PLB1: variants seen among roughly 807,000 people sequenced by gnomAD.
PLB1 encodes phospholipase B1.
Under a neutral mutation model 227.4 loss-of-function variants are expected in PLB1, and 242 were observed. The observed-to-expected ratio is 1.06, with a 90% confidence interval of 0.96 to 1.18. The LOEUF (loss-of-function observed/expected upper bound fraction) is 1.18. PLB1 is among the 50% of genes most tolerant of loss of function. The pLI is 0.00. For missense variants in PLB1, 1,858 were observed against 1,816.3 expected, an observed-to-expected ratio of 1.02 and a Z score of -0.42; for synonymous variants, 757 against 682.2, an observed-to-expected ratio of 1.11 and a Z score of -1.71.
chr2:28,522,072 C>A (rs1669599122), intron 4 of PLB1, among the ~76,000 whole-genome samples: 1 of 151,942 alleles, frequency 6.6e-6, no homozygotes, highest in Admixed American at 6.6e-5. Context: ...CTCCTCATCT[C>A]AAATAACCAG....
intron 43 of PLB1, among the ~76,000 whole-genome samples, chr2:28,610,428 T>C (rs574665656): frequency 2.6e-5 from 4 of 152,214 alleles, no homozygotes; most frequent in African/African-American, 9.6e-5. Context: ...TGGGATTACA[T>C]GTGTGAACCA....
chr2:28,509,293 C>T (rs1387334288), intron 1 of PLB1, among the ~76,000 whole-genome samples: 1 of 152,194 alleles, frequency 6.6e-6, no homozygotes, highest in African/African-American at 2.4e-5. Flanking sequence ...TGGACTAACA[C>T]ACATTGGGTT....
intron 43 of PLB1, among the ~76,000 whole-genome samples, chr2:28,612,960 C>T (rs1685689337): frequency 6.6e-6 from 1 of 151,612 alleles, no homozygotes; most frequent in Non-Finnish European, 1.5e-5. Flanking sequence ...CACTCTGTTG[C>T]CCAGGCTGGA....
intron 49 of PLB1, among the ~76,000 whole-genome samples, chr2:28,623,644 A>G (rs933590849): frequency 6.6e-6 from 1 of 152,150 alleles, no homozygotes; most frequent in Non-Finnish European, 1.5e-5. Flanking sequence ...TGGCCACCCA[A>G]AGATTTTCAG....
chr2:28,525,829 C>T, intron 5 of PLB1, 76 bp from the exon 6 acceptor site: 8 of 1,561,332 alleles, frequency 5.1e-6, no homozygotes, highest in Non-Finnish European at 7.0e-6. Flanking sequence ...ATGAAATAGA[C>T]CACAGCCAAG....
intron 25 of PLB1, 24 bp downstream of exon 25, chr2:28,582,529 T>C (rs199904280): frequency 6.4e-7 from 1 of 1,552,702 alleles, no homozygotes; most frequent in Admixed American, 1.8e-5. Context: ...TTCTCCCCGA[T>C]TCTACTAAGA....
intron 1 of PLB1, among the ~76,000 whole-genome samples, chr2:28,514,659 T>A (rs764985420): frequency 3.3e-5 from 5 of 152,166 alleles, no homozygotes; most frequent in African/African-American, 9.7e-5. Context: ...GAGTAAAATC[T>A]AAAATATTGA....
At chr2:28,580,340 G>GGA (rs1318182991) in intron 23 of PLB1, among the ~76,000 whole-genome samples, 1 of 152,206 alleles carries the variant, frequency 6.6e-6, no homozygotes, top group Admixed American at 6.5e-5. Flanking sequence ...CACTGCCAGC[G>GGA]GAGAGAGAGA....
chr2:28,598,047 T>G lies in PLB1; in HGVS notation c.2364T>G (p.Pro788=), dbSNP rs1463625569. ...DGSLENVTTL[P]NILREFNRNL... Reference sequence around the variant, plus strand: ...CCCTGGAGAATGTGACCACCTTACCTAGTAAGTAACCATCAGGGGCTTGAA... The same window carrying G: ...CCCTGGAGAATGTGACCACCTTACCGAGTAAGTAACCATCAGGGGCTTGAA... Residue 788 remains proline, a splice_region_variant and synonymous_variant, in exon 34 of 58, where the codon CCT becomes CCG. Transcript: ENST00000327757. The G allele has an allele frequency of 2.5e-6, 4 of 1,612,216 alleles. No individual in the cohort carries two copies. Among genetic ancestry groups the G allele is most frequent in the Non-Finnish European group, 3.4e-6 (4 of 1,178,720 alleles).
At chr2:28,561,990 T>C (rs1282940816) in intron 17 of PLB1, among the ~76,000 whole-genome samples, 1 of 152,192 alleles carries the variant, frequency 6.6e-6, no homozygotes, top group East Asian at 1.9e-4. Flanking sequence ...AAGTCACATA[T>C]TATATGATTC....
chr2:28,590,141 A>G, intron 29 of PLB1, 65 bp downstream of exon 29: 1 of 1,390,526 alleles, frequency 7.2e-7, no homozygotes, highest in African/African-American at 1.4e-5. Context: ...ATTTCATCCT[A>G]GGCCCTCACC....
chr2:28,570,535 C>T (rs1251605230), intron 20 of PLB1, among the ~76,000 whole-genome samples: 1 of 152,172 alleles, frequency 6.6e-6, no homozygotes, highest in African/African-American at 2.4e-5. Context: ...CCTGTACTAC[C>T]AGCACTTTGG....
Position 28,612,433 on chromosome 2 carries a change from T to C in PLB1, c.3130-1598T>C, listed in dbSNP as rs566445598. Among the ~76,000 whole-genome samples the C allele has an allele frequency of 8.5e-5, 13 of 152,294 alleles. No individual in the cohort carries two copies. The South Asian group carries it at 2.7e-3, about 32-fold the overall frequency. ...TGGCCCCAGTTTGGCATTCATCACT[T>C]GTTCCCTAACCTGGAACCCGTCCCT... On this transcript the variant is annotated intron_variant, in intron 43 of 57. Transcript: ENST00000327757.
Position 28,548,869 on chromosome 2 carries a change from G to A in PLB1, c.946G>A (p.Ala316Thr). 1 of 1,614,120 alleles carries A rather than the reference G, an allele frequency of 6.2e-7. No individual in the cohort carries two copies. Among genetic ancestry groups the A allele is most frequent in the Non-Finnish European group, 8.5e-7 (1 of 1,179,980 alleles). ...CCACGTTCCTTTCTAGATGGAGCCA[G>A]CAGGAGAGAAAGATGAGCCATTGAG... ...WHLWNRMMEP[A>T]GEKDEPLSVK... The change falls in exon 15 of 58, where the codon GCA (alanine) becomes ACA (threonine). Residue 316 changes from alanine (A) to threonine (T), a missense_variant. Transcript: ENST00000327757.
chr2:28,577,800 G>A (rs557602930), intron 21 of PLB1, among the ~76,000 whole-genome samples: 29 of 152,274 alleles, frequency 1.9e-4, no homozygotes, highest in South Asian at 6.2e-4. Context: ...AGATCGTGCC[G>A]CTGCACTTCA....
chr2:28,620,515 C>CGGTT lies in PLB1; in HGVS notation c.3384-84_3384-81dup, dbSNP rs1213298915. 3.3e-6 allele frequency: 5 copies of CGGTT among 1,495,876 alleles called. No individual in the cohort carries two copies. The African/African-American group carries it at 6.9e-5, about 21-fold the overall frequency. The allele number at this position is 1,495,876 out of a possible 1,614,324, so 92.7% of individuals were successfully genotyped here. Reference sequence around the variant, plus strand: ...AGAGACGCCCCAGGGGCCCAGAACCCGGTTCCGGTTCTGGCTTGTGCATAT... The same window carrying CGGTT: ...AGAGACGCCCCAGGGGCCCAGAACCCGGTTGGTTCCGGTTCTGGCTTGTGCATAT... On this transcript the variant is annotated intron_variant, in intron 47 of 57. Coordinates refer to ENST00000327757, the MANE Select transcript of PLB1 (RefSeq NM_153021.5).
At position 28,632,023 on chromosome 2, in the gene PLB1, T is replaced by G; in HGVS notation, c.3898-13T>G. On this transcript the variant is annotated splice_polypyrimidine_tract_variant and intron_variant, in intron 54 of 57. Transcript: ENST00000327757. ...TGCCAGGAGGGTTGAGCAGCTTCTC[T>G]CTCTGTCCCCAGCATGGCATCTCCA... is the stretch of plus-strand genomic sequence containing the variant. 6.2e-7 allele frequency: 1 copy of G among 1,608,438 alleles called. No homozygotes were observed. The highest frequency in any genetic ancestry group is 8.5e-7 in the Non-Finnish European group (1 of 1,175,012).
At chr2:28,518,373 T>C in intron 2 of PLB1, 93 bp from the exon 3 acceptor site, 1 of 944,356 alleles carries the variant, frequency 1.1e-6, no homozygotes, top group Non-Finnish European at 1.7e-6. Context: ...CTAGATAGAA[T>C]GAGTACATGA....
intron 56 of PLB1, among the ~76,000 whole-genome samples, chr2:28,639,622 C>T (rs190416169): frequency 2.0e-4 from 31 of 152,350 alleles, no homozygotes; most frequent in African/African-American, 7.5e-4. Context: ...AAGGGAGAAA[C>T]TGATGCACTC....
Sources: gnomAD v4.1 joint callset for allele counts (sites outside exome capture counted in the v4.1 genomes callset) on GRCh38, gnomAD v4.1.1 for gene constraint, MANE v1.5 for transcripts, NCBI Gene and HGNC (gene_info 2026-07-23, HGNC 2026-07-21) for gene names.